UTP14A: variants seen among roughly 807,000 people sequenced by gnomAD.
UTP14A encodes U3 small nucleolar RNA-associated protein 14 homolog A.
A neutral mutation model predicts 57.2 loss-of-function variants in UTP14A; 5 were observed. The observed-to-expected ratio is 0.09, with a 90% CI of 0.05 to 0.18. The LOEUF (loss-of-function observed/expected upper bound fraction) is 0.18, where lower values mean the gene tolerates loss of function less well. UTP14A is among the 10% of genes least tolerant of loss of function. UTP14A has a pLI of 1.00. For synonymous variants in UTP14A, 169 were observed against 210.9 expected, an observed-to-expected ratio of 0.80 and a Z score of 1.72; for missense variants, 430 against 562.1, an observed-to-expected ratio of 0.76 and a Z score of 2.38.
intron 12 of UTP14A, 26 bp from the exon 13 acceptor site, chrX:129,925,893 T>G: frequency 8.3e-7 from 1 of 1,206,230 alleles, no homozygotes; most frequent in South Asian, 1.8e-5. Flanking sequence ...TAAGCCAAGC[T>G]GTAGCTCTCG....
intron 3 of UTP14A, chrX:129,908,404 C>A: frequency 2.4e-6 from 1 of 409,138 alleles, no homozygotes; most frequent in East Asian, 4.0e-5. Flanking sequence ...GGTCACCTGG[C>A]TCATAAGTTA....
At position 129,908,388 on chromosome X, in the gene UTP14A, C is replaced by A. The variant is rs1208335049; in HGVS notation, c.173+258C>A. 3.2e-5 allele frequency: 13 copies of A among 405,799 alleles called. No individual in the cohort carries two copies. In the East Asian group the frequency reaches 5.2e-4, roughly 16 times the overall value. The allele number at this position is 405,799 out of a possible 1,213,427, so 33.4% of individuals were successfully genotyped here. A position where few individuals can be genotyped will look rare whatever the true frequency, so the allele number is the denominator to read the frequency against. Reference sequence around the variant, plus strand: ...CCATTAGAGAAATAAATTTACTTACCCCCAAGGTCACCTGGCTCATAAGTT... The same window carrying A: ...CCATTAGAGAAATAAATTTACTTACACCCAAGGTCACCTGGCTCATAAGTT... On this transcript the variant is annotated intron_variant, in intron 3 of 14. Coordinates refer to ENST00000394422, the MANE Select transcript of UTP14A (RefSeq NM_006649.4).
intron 1 of UTP14A, 25 bp downstream of exon 1, chrX:129,906,261 G>T (rs763912972): frequency 1.7e-6 from 2 of 1,193,477 alleles, no homozygotes; most frequent in Non-Finnish European, 1.1e-6. Context: ...GGGGAGGGGG[G>T]ATTCTGGGTC....
Position 129,924,220 on chromosome X carries a change from C to G in UTP14A, c.1349-575C>G, listed in dbSNP as rs746884227. 3.6e-5 allele frequency among the ~76,000 whole-genome samples: 4 copies of G among 110,493 alleles called. No individual in the cohort carries two copies. The East Asian group carries it at 8.4e-4, about 23-fold the overall frequency. ...CTCCTGGGCTCAAGCTATCCTGCCC[C>G]CTTGGCCTCCCAAAGTGCTGGCATA... On this transcript the variant is annotated intron_variant, in intron 11 of 14. Transcript: ENST00000394422.
rs978548087 is a variant in UTP14A at position 129,906,238 on chromosome X, T to G, written c.26+2T>G. On this transcript the variant is annotated splice_donor_variant, in intron 1 of 14. Coordinates refer to ENST00000394422, the MANE Select transcript of UTP14A (RefSeq NM_006649.4). LOFTEE classifies it high-confidence loss of function. ...GACTGCGAACCGGCTTGCAGAGAGG[T>G]GAAGGGCAACGAGGGGAGGGGGGAT... 1 of 1,196,642 alleles carries G rather than the reference T, an allele frequency of 8.4e-7. No individual in the cohort carries two copies. The highest frequency in any genetic ancestry group is 3.1e-5 in the East Asian group (1 of 32,613).
intron 1 of UTP14A, among the ~76,000 whole-genome samples, chrX:129,906,690 A>G (rs560258677): frequency 1.5e-4 from 12 of 80,118 alleles, no homozygotes; most frequent in Non-Finnish European, 2.2e-4. Flanking sequence ...TAGTCCGTTT[A>G]GTAATGTTGG....
At chrX:129,922,847 T>C (rs1929968882) in intron 11 of UTP14A, 1 of 111,061 alleles carries the variant, frequency 9.0e-6, no homozygotes, top group Non-Finnish European at 1.9e-5. Context: ...GGATTAATAA[T>C]TGCAAGTAGT....
At chrX:129,920,362 C>G (rs957022969) in intron 8 of UTP14A, 95 bp from the exon 9 acceptor site, 3 of 1,158,365 alleles carry the variant, frequency 2.6e-6, no homozygotes, top group Non-Finnish European at 2.3e-6. Flanking sequence ...ATTCCAGCCC[C>G]CTGCCTAGGG....
chrX:129,924,753 C>G, intron 11 of UTP14A, 42 bp from the exon 12 acceptor site: 9 of 1,180,509 alleles, frequency 7.6e-6, no homozygotes, highest in Non-Finnish European at 7.9e-6. Flanking sequence ...AGACAACGTA[C>G]AAACCTCATT....
intron 1 of UTP14A, 143 bp downstream of exon 1, chrX:129,906,379 C>A: frequency 1.7e-6 from 1 of 577,663 alleles, no homozygotes; most frequent in Non-Finnish European, 2.8e-6. Context: ...TTCCGCGATC[C>A]AGCCTTTAAA....
chrX:129,913,907 G>T (rs562096113), intron 6 of UTP14A, among the ~76,000 whole-genome samples: 1 of 111,640 alleles, frequency 9.0e-6, no homozygotes, highest in South Asian at 3.7e-4. Context: ...CTTGAACCTG[G>T]GAGGCGGAGG....
At chrX:129,923,308 C>A (rs1378764486) in intron 11 of UTP14A, among the ~76,000 whole-genome samples, 1 of 112,171 alleles carries the variant, frequency 8.9e-6, no homozygotes, top group Non-Finnish European at 1.9e-5. Flanking sequence ...TGAGACAGGT[C>A]TCTGTCATAC....
At chrX:129,913,520 T>C (rs747275334) in intron 6 of UTP14A, 3 of 282,106 alleles carry the variant, frequency 1.1e-5, no homozygotes, top group Non-Finnish European at 1.4e-5. Flanking sequence ...ACCACTTGCA[T>C]AAGTTTGCTG....
chrX:129,918,965 C>T (rs1418460603), intron 6 of UTP14A, among the ~76,000 whole-genome samples: 1 of 111,589 alleles, frequency 9.0e-6, no homozygotes, highest in Non-Finnish European at 1.9e-5. Context: ...CAGCGTCTCC[C>T]TGCTGAAGTT....
intron 4 of UTP14A, among the ~76,000 whole-genome samples, chrX:129,909,841 G>A (rs890152973): frequency 8.9e-6 from 1 of 112,036 alleles, no homozygotes; most frequent in African/African-American, 3.2e-5. Context: ...AATCACTGGT[G>A]TAGCCTCCTA....
intron 6 of UTP14A, chrX:129,913,471 C>T: frequency 3.0e-6 from 1 of 328,821 alleles, no homozygotes; most frequent in Non-Finnish European, 6.1e-6. Context: ...CACCCGTGCC[C>T]CATCTGATCA....
chrX:129,910,363 A>G (rs1045952484), intron 4 of UTP14A, among the ~76,000 whole-genome samples: 1 of 111,149 alleles, frequency 9.0e-6, no homozygotes, highest in African/African-American at 3.3e-5. Context: ...CAGCAGGGTC[A>G]TGACATGCTG....
intron 11 of UTP14A, chrX:129,923,083 A>C (rs1054869820): frequency 8.9e-6 from 1 of 112,242 alleles, no homozygotes; most frequent in African/African-American, 3.2e-5. Flanking sequence ...GAGTGTCCTA[A>C]AATACTGGAA....
At chrX:129,926,398 A>C in intron 14 of UTP14A, 59 bp downstream of exon 14, 1 of 1,032,492 alleles carries the variant, frequency 9.7e-7, no homozygotes, top group Admixed American at 2.2e-5. Context: ...CTCTTGCTTG[A>C]GAGGAGTATT....
Sources: allele counts gnomAD v4.1 joint callset (sites outside exome capture counted in the v4.1 genomes callset), GRCh38; gene constraint gnomAD v4.1.1; transcripts MANE v1.5; gene names NCBI Gene and HGNC (gene_info 2026-07-23, HGNC 2026-07-21).